ODAD2: variants seen among roughly 807,000 people sequenced by gnomAD.
ODAD2 encodes the protein outer dynein arm-docking complex subunit 2.
Under a neutral mutation model 106.8 loss-of-function variants are expected in ODAD2, and 89 were observed. The ratio of observed to expected loss-of-function variants is 0.83; its 90% confidence interval spans 0.70 to 0.99. ODAD2 has a LOEUF of 0.99. Ranked by LOEUF, ODAD2 falls within the 50% of genes least tolerant of loss-of-function variation. The probability of loss-of-function intolerance (pLI) is 0.00; values close to 1 mark genes in which losing one functional copy is unlikely to be tolerated. For missense variants in ODAD2, 1,168 were observed against 1,238.5 expected (o/e 0.94, Z 0.85); for synonymous variants, 404 against 436.2 (o/e 0.93, Z 0.92).
chr10:27,993,197 G>A (rs1171892522), intron 2 of ODAD2, among the ~76,000 whole-genome samples: 2 of 152,162 alleles, frequency 1.3e-5, no homozygotes, highest in Non-Finnish European at 2.9e-5. Flanking sequence ...TTACAGGTGT[G>A]AGCCACCATG....
At chr10:27,915,589 G>C (rs1844306479) in intron 16 of ODAD2, among the ~76,000 whole-genome samples, 1 of 152,104 alleles carries the variant, frequency 6.6e-6, no homozygotes, top group African/African-American at 2.4e-5. Flanking sequence ...AGCACAGTAG[G>C]TATGGGGAAT....
At chr10:27,980,952 A>G (rs981421776) in intron 7 of ODAD2, among the ~76,000 whole-genome samples, 1 of 152,214 alleles carries the variant, frequency 6.6e-6, no homozygotes, top group Non-Finnish European at 1.5e-5. Context: ...GAATGCATAA[A>G]CCAAATGTGG....
chr10:27,979,409 T>C (rs1234041908), intron 7 of ODAD2, among the ~76,000 whole-genome samples: 1 of 149,094 alleles, frequency 6.7e-6, no homozygotes, highest in African/African-American at 2.5e-5. Flanking sequence ...CATGATCTTG[T>C]ATGCAGAAAA....
chr10:27,938,684 C>T (rs1274616201), intron 14 of ODAD2, among the ~76,000 whole-genome samples: 10 of 151,772 alleles, frequency 6.6e-5, no homozygotes, highest in African/African-American at 2.4e-4. Context: ...ACTGCAACCT[C>T]CACCTCCCAG....
At chr10:27,977,196 A>T (rs1217284588) in intron 7 of ODAD2, among the ~76,000 whole-genome samples, 1 of 152,196 alleles carries the variant, frequency 6.6e-6, no homozygotes, top group Non-Finnish European at 1.5e-5. Context: ...ATAAAACACT[A>T]TAAGGAAAAA....
At chr10:27,993,833 G>T (rs1850374359) in intron 2 of ODAD2, among the ~76,000 whole-genome samples, 1 of 152,080 alleles carries the variant, frequency 6.6e-6, no homozygotes, top group Admixed American at 6.5e-5. Flanking sequence ...GGCATCTACA[G>T]GAAGCTTTGG....
chr10:27,907,888 A>AT lies in ODAD2; in HGVS notation c.2496-112dup, dbSNP rs3839908. On this transcript the variant is annotated intron_variant, in intron 16 of 19. Coordinates refer to ENST00000305242, the MANE Select transcript of ODAD2 (RefSeq NM_018076.5). ...TTCTCCTTTTGATATTTTGCTTAGAATTTTTTTTTTTTTTGCAAAACTTCA... is the reference window on the plus strand; with the variant it reads ...TTCTCCTTTTGATATTTTGCTTAGAATTTTTTTTTTTTTTTGCAAAACTTCA... 0.13 allele frequency: 75,132 copies of AT among 579,436 alleles called. 1,800 individuals carry two copies. Among genetic ancestry groups the AT allele is most frequent in the African/African-American group, 0.25 (12,761 of 51,060 alleles). 35.9% of individuals were successfully genotyped at this position (579,436 alleles called of 1,614,324 possible).
chr10:27,926,864 T>A (rs928822429), intron 16 of ODAD2, among the ~76,000 whole-genome samples: 1 of 152,154 alleles, frequency 6.6e-6, no homozygotes, highest in Admixed American at 6.5e-5. Context: ...TGATTTTATA[T>A]ACTTGAAGGC....
At position 27,816,324 on chromosome 10, in the gene ODAD2, G is replaced by T. The variant is rs1836131922; in HGVS notation, c.3022-3699C>A. Among the ~76,000 whole-genome samples, 3 of 152,186 alleles carry T rather than the reference G, an allele frequency of 2.0e-5. No individual in the cohort carries two copies. The South Asian group carries it at 6.2e-4, about 32-fold the overall frequency. ...AAATAAGACAGGATCAATCTTCTGA[G>T]ATTCAAGAGAAAGGAAGATTCTGTT... On this transcript the variant is annotated intron_variant, in intron 19 of 19. Transcript: ENST00000305242.
intron 7 of ODAD2, among the ~76,000 whole-genome samples, chr10:27,977,774 C>T (rs1849292801): frequency 1.3e-5 from 2 of 151,880 alleles, no homozygotes; most frequent in South Asian, 4.2e-4. Flanking sequence ...TGTGAATGGC[C>T]AATAAGCACA....
At chr10:27,933,629 C>T (rs2134071989) in intron 16 of ODAD2, among the ~76,000 whole-genome samples, 1 of 152,014 alleles carries the variant, frequency 6.6e-6, no homozygotes, top group South Asian at 2.1e-4. Flanking sequence ...AGTTGGTGGC[C>T]AAGTAGATTT....
At position 27,940,554 on chromosome 10, in the gene ODAD2, C is replaced by CA. The variant is rs1846334686; in HGVS notation, c.1986+8dup. Reference sequence around the variant, plus strand: ...GAGAAGGCAAGGGAAGCAGAACTGGCATGAGTACCTCTGATGCACACTCTT... The same window carrying CA: ...GAGAAGGCAAGGGAAGCAGAACTGGCAATGAGTACCTCTGATGCACACTCTT... On this transcript the variant is annotated intron_variant, in intron 13 of 19. Transcript: ENST00000305242. 6.2e-7 allele frequency: 1 copy of CA among 1,612,980 alleles called. No homozygotes were observed. Among genetic ancestry groups the CA allele is most frequent in the African/African-American group, 1.3e-5 (1 of 74,886 alleles).
intron 14 of ODAD2, among the ~76,000 whole-genome samples, 166 bp from the exon 15 acceptor site, chr10:27,937,046 C>A (rs1302104375): frequency 1.3e-5 from 2 of 152,170 alleles, no homozygotes; most frequent in Non-Finnish European, 2.9e-5. Flanking sequence ...TAGTAGCTTT[C>A]TGACAGCATG....
intron 17 of ODAD2, among the ~76,000 whole-genome samples, chr10:27,895,885 T>A (rs1052441355): frequency 6.6e-6 from 1 of 152,204 alleles, no homozygotes; most frequent in African/African-American, 2.4e-5. Flanking sequence ...CTTGGAAGAA[T>A]GTGATTTGTT....
intron 19 of ODAD2, among the ~76,000 whole-genome samples, chr10:27,823,968 G>A (rs910070985): frequency 1.0e-4 from 13 of 123,872 alleles, no homozygotes; most frequent in Non-Finnish European, 1.4e-4. Context: ...GTGAAACCCC[G>A]TCTCTACTAA....
chr10:27,815,466 T>A (rs1207196934), intron 19 of ODAD2, among the ~76,000 whole-genome samples: 1 of 152,184 alleles, frequency 6.6e-6, no homozygotes, highest in African/African-American at 2.4e-5. Context: ...TGCCTTCAGC[T>A]CTCCTCTGAA....
intron 19 of ODAD2, among the ~76,000 whole-genome samples, chr10:27,856,016 T>G (rs1221774990): frequency 6.6e-6 from 1 of 152,166 alleles, no homozygotes; most frequent in Non-Finnish European, 1.5e-5. Flanking sequence ...GGAAAGGGCT[T>G]GCCTTGATGA....
chr10:27,939,879 T>G lies in ODAD2; in HGVS notation c.2097+18A>C. ...TGTGAGAAAGAACGCCAACAACCGC[T>G]GGGAGAGTTCACTGCACCTGGTAAA... On this transcript the variant is annotated intron_variant, in intron 14 of 19. Coordinates refer to ENST00000305242, the MANE Select transcript of ODAD2 (RefSeq NM_018076.5). 1 of 1,518,908 alleles carries G rather than the reference T, an allele frequency of 6.6e-7. No homozygotes were observed. 94.1% of individuals were successfully genotyped at this position (1,518,908 alleles called of 1,614,324 possible).
intron 16 of ODAD2, among the ~76,000 whole-genome samples, chr10:27,923,655 T>A (rs1028279027): frequency 1.3e-5 from 2 of 151,990 alleles, no homozygotes; most frequent in Non-Finnish European, 1.5e-5. Context: ...TGATAAAGAA[T>A]CCCAAGCACT....
Sources: gnomAD v4.1 joint callset for allele counts (sites outside exome capture counted in the v4.1 genomes callset) on GRCh38, gnomAD v4.1.1 for gene constraint, MANE v1.5 for transcripts, NCBI Gene and HGNC (gene_info 2026-07-23, HGNC 2026-07-21) for gene names.